DDX56: variants seen among roughly 807,000 people sequenced by gnomAD.
The protein encoded by DDX56 is DEAD-box helicase 56.
Under a neutral mutation model 61.5 loss-of-function variants are expected in DDX56, and 45 were observed. The ratio of observed to expected loss-of-function variants is 0.73; its 90% CI spans 0.58 to 0.94. The LOEUF is 0.94. Among genes scored for constraint, DDX56 ranks in the 40% least tolerant of loss-of-function variants. The pLI, the probability that DDX56 is intolerant of heterozygous loss-of-function variation, is 0.00. For missense variants in DDX56, 708 were observed against 690.7 expected (o/e 1.02, Z -0.28); for synonymous variants, 273 against 268.3 (o/e 1.02, Z -0.17).
intron 13 of DDX56, 90 bp from the exon 14 acceptor site, chr7:44,566,169 G>T: frequency 1.4e-6 from 1 of 701,374 alleles, no homozygotes; most frequent in East Asian, 3.7e-5. Flanking sequence ...GACACAAAGG[G>T]AGCCGTGCCG....
chr7:44,569,241 G>A (rs192043858), intron 9 of DDX56, 38 bp from the exon 10 acceptor site: 8 of 1,595,082 alleles, frequency 5.0e-6, no homozygotes, highest in Non-Finnish European at 6.9e-6. Context: ...CACAGGCTGA[G>A]GCCTTAGGAT....
At position 44,568,150 on chromosome 7, in the gene DDX56, T is replaced by G. The variant is rs1159241758; in HGVS notation, c.1457A>C (p.Lys486Thr). ...HDLPLHPAVV[K>T]PHLGHVPDYL... ...GTCAGGAACATGGCCCAGGTGGGGC[T>G]TCACCACTGCGGGGTGCAAAGGTAG... Residue 486 changes from lysine (K) to threonine (T), a missense_variant, in exon 12 of 14, where the codon AAG becomes ACG. Transcript: ENST00000258772. The G allele has an allele frequency of 3.1e-6, 5 of 1,613,994 alleles. No individual in the cohort carries two copies. Among genetic ancestry groups the G allele is most frequent in the Non-Finnish European group, 4.2e-6 (5 of 1,179,962 alleles).
At chr7:44,569,755 G>C (rs1397239599) in intron 9 of DDX56, 54 bp downstream of exon 9, 16 of 1,441,186 alleles carry the variant, frequency 1.1e-5, no homozygotes, top group Non-Finnish European at 1.5e-5. Flanking sequence ...GAGTTTTAAA[G>C]CATTGTGGAA....
At chr7:44,571,814 A>G (rs1802681573) in intron 5 of DDX56, 78 bp from the exon 6 acceptor site, 1 of 1,570,714 alleles carries the variant, frequency 6.4e-7, no homozygotes, top group Non-Finnish European at 8.7e-7. Context: ...CAACCAAAGC[A>G]TCAACATTTT....
At chr7:44,572,537 A>G (rs756941251) in intron 4 of DDX56, 37 bp downstream of exon 4, 1 of 1,613,396 alleles carries the variant, frequency 6.2e-7, no homozygotes, top group South Asian at 1.1e-5. Context: ...CTACTCACAG[A>G]TGTTTCCACT....
chr7:44,569,624 CA>C, intron 9 of DDX56, 184 bp downstream of exon 9: 1 of 635,502 alleles, frequency 1.6e-6, no homozygotes, highest in Non-Finnish European at 2.7e-6. Context: ...CAACTTTGGA[CA>C]AATTACCTCA....
intron 8 of DDX56, 23 bp from the exon 9 acceptor site, chr7:44,569,926 T>C: frequency 1.2e-6 from 2 of 1,611,422 alleles, no homozygotes; most frequent in Non-Finnish European, 1.7e-6. Context: ...ACAGTGCAGC[T>C]TGCATCTCCA....
At chr7:44,571,185 C>T (rs1298514930) in intron 6 of DDX56, among the ~76,000 whole-genome samples, 1 of 152,200 alleles carries the variant, frequency 6.6e-6, no homozygotes, top group Non-Finnish European at 1.5e-5. Flanking sequence ...ATTACAGGTG[C>T]CTGCCACCAT....
chr7:44,573,811 C>G, intron 1 of DDX56, 25 bp downstream of exon 1: 5 of 1,613,380 alleles, frequency 3.1e-6, no homozygotes, highest in Non-Finnish European at 4.2e-6. Context: ...AGCCCGTAAG[C>G]CGGCTCCCCA....
intron 2 of DDX56, among the ~76,000 whole-genome samples, chr7:44,573,359 GAA>G (rs1257229223): frequency 2.0e-5 from 3 of 152,228 alleles, no homozygotes; most frequent in African/African-American, 7.2e-5. Flanking sequence ...AGAAAGAAAA[GAA>G]AGTGCTTTGT....
At chr7:44,566,418 G>A in intron 13 of DDX56, 30 bp downstream of exon 13, 4 of 1,526,658 alleles carry the variant, frequency 2.6e-6, no homozygotes, top group Non-Finnish European at 3.6e-6. Flanking sequence ...GAGGAGTCCT[G>A]GGGCTGTCCG....
chr7:44,570,870 TGTG>T lies in DDX56; in HGVS notation c.895_897del (p.His299del). Reference sequence around the variant, plus strand: ...AAGCCTTGGTTGAACTGTGAGATGATGTGGCACCTGCAGCCAAGAGCGGACAGA... The same window carrying T: ...AAGCCTTGGTTGAACTGTGAGATGATGCACCTGCAGCCAAGAGCGGACAGA... On this transcript the variant is annotated inframe_deletion, in exon 7 of 14. Transcript: ENST00000258772. 6.2e-7 allele frequency: 1 copy of T among 1,611,898 alleles called. No individual in the cohort carries two copies. Among genetic ancestry groups the T allele is most frequent in the Non-Finnish European group, 8.5e-7 (1 of 1,178,186 alleles).
chr7:44,566,572 ATCCCTG>A, intron 12 of DDX56, 48 bp from the exon 13 acceptor site: 1 of 1,408,576 alleles, frequency 7.1e-7, no homozygotes, highest in Non-Finnish European at 9.6e-7. Context: ...TACTGCTCCC[ATCCCTG>A]CCCTCCCGCT....
chr7:44,573,809 A>G, intron 1 of DDX56, 27 bp downstream of exon 1: 2 of 1,613,362 alleles, frequency 1.2e-6, no homozygotes, highest in Non-Finnish European at 1.7e-6. Flanking sequence ...AGAGCCCGTA[A>G]GCCGGCTCCC....
rs376757079 is a variant in DDX56, at chr7:44,569,039, C to T, written c.1294-47G>A. The T allele has an allele frequency of 1.9e-6, 3 of 1,611,816 alleles. No homozygotes were observed. In the African/African-American group the frequency reaches 4.0e-5, roughly 22 times the overall value. On this transcript the variant is annotated intron_variant, in intron 10 of 13. Coordinates refer to ENST00000258772, the MANE Select transcript of DDX56 (RefSeq NM_019082.4). ...CAAGACAGTGAGGCTGCCCCAAATC[C>T]TCCCTTCACACCTGGATGCTCAGCA...
Position 44,571,554 on chromosome 7 carries a change from C to A in DDX56, c.828G>T (p.Leu276=). The part of the protein sequence containing the change: ...NTLERSYRLR[L]FLEQFSIPTC... Reference sequence around the variant, plus strand: ...TGGGGATGCTGAACTGTTCCAAGAACAGGCGTAGCCGGTAACTCCGTTCTA... The same window carrying A: ...TGGGGATGCTGAACTGTTCCAAGAAAAGGCGTAGCCGGTAACTCCGTTCTA... Residue 276 remains leucine, a synonymous_variant, in exon 6 of 14, where the codon CTG becomes CTT. Coordinates refer to ENST00000258772, the MANE Select transcript of DDX56 (RefSeq NM_019082.4). The A allele has an allele frequency of 1.2e-6, 2 of 1,614,126 alleles. No homozygotes were observed. The highest frequency in any genetic ancestry group is 1.7e-6 in the Non-Finnish European group (2 of 1,180,036).
Position 44,570,789 on chromosome 7 carries a change from T to C in DDX56, c.979A>G (p.Lys327Glu), listed in dbSNP as rs764677551. The change falls in exon 7 of 14, where the codon AAG becomes GAG. Residue 327 changes from lysine to glutamate, a missense_variant. Coordinates refer to ENST00000258772, the MANE Select transcript of DDX56 (RefSeq NM_019082.4). Reference sequence around the variant, plus strand: ...CCTTTGGGCCCTCGGCCCCGACGCTTGCCCTTGACTGGGGCCCCCAGGACT... The same window carrying C: ...CCTTTGGGCCCTCGGCCCCGACGCTCGCCCTTGACTGGGGCCCCCAGGACT... ...AEVLGAPVKG[K>E]RRGRGPKGDK... 1 of 1,613,692 alleles carries C rather than the reference T, an allele frequency of 6.2e-7. No individual in the cohort carries two copies. The highest frequency in any genetic ancestry group is 2.2e-5 in the East Asian group (1 of 44,858).
rs11548034 is a variant in DDX56 at position 44,573,639 on chromosome 7, C to T, written c.166G>A (p.Gly56Arg). Residue 56 changes from glycine to arginine, a missense_variant, in exon 2 of 14, where the codon GGG (glycine) becomes AGG (arginine). Gly to Arg is a moderately radical substitution (Grantham distance 125). Coordinates refer to ENST00000258772, the MANE Select transcript of DDX56 (RefSeq NM_019082.4). ...GGAATAGCATAAGCGGCCGTCTTCC[C>T]GGAGCCCGTGCGGGCCCGAGCCAGG... is the stretch of plus-strand genomic sequence containing the variant. ...DLLARARTGS[G>R]KTAAYAIPML... 1.9e-6 allele frequency: 3 copies of T among 1,613,652 alleles called. No individual in the cohort carries two copies. The African/African-American group carries it at 4.0e-5, about 22-fold the overall frequency.
Position 44,569,920 on chromosome 7 carries a change from T to G in DDX56, c.1125-17A>C, listed in dbSNP as rs753259725. 1 of 1,611,244 alleles carries G rather than the reference T, an allele frequency of 6.2e-7. No individual in the cohort carries two copies. The highest frequency in any genetic ancestry group is 8.5e-7 in the Non-Finnish European group (1 of 1,178,482). On this transcript the variant is annotated splice_polypyrimidine_tract_variant and intron_variant, in intron 8 of 13. Coordinates refer to ENST00000258772, the MANE Select transcript of DDX56 (RefSeq NM_019082.4). ...CGTGCTGTCCTGCAAGGGAAGACAG[T>G]GCAGCTTGCATCTCCAACCCGCAGG...
Sources: gnomAD v4.1 joint callset for allele counts (sites outside exome capture counted in the v4.1 genomes callset) on GRCh38, gnomAD v4.1.1 for gene constraint, MANE v1.5 for transcripts, NCBI Gene and HGNC (gene_info 2026-07-23, HGNC 2026-07-21) for gene names.